Variants in SLC16A4 observed in about 807,000 individuals in gnomAD.
SLC16A4 encodes solute carrier family 16 member 4.
SLC16A4 carries 39 observed loss-of-function variants against 47.9 expected under a neutral mutation model. That is an observed-to-expected ratio of 0.81 (90% CI 0.63 to 1.06). The LOEUF (loss-of-function observed/expected upper bound fraction) is 1.06, where lower values mean the gene tolerates loss of function less well. Ranked by LOEUF, SLC16A4 falls within the 50% of genes least tolerant of loss-of-function variation. SLC16A4 has a pLI of 0.00. For synonymous variants in SLC16A4, 189 were observed against 199.9 expected (o/e 0.95, Z 0.46); for missense variants, 524 against 573.8 (o/e 0.91, Z 0.89).
At chr1:110,389,388 A>G (rs1662908654) in intron 1 of SLC16A4, 33 bp from the exon 2 acceptor site, 1 of 1,222,944 alleles carries the variant, frequency 8.2e-7, no homozygotes, top group Non-Finnish European at 1.2e-6. Flanking sequence ...GATTCAGTGG[A>G]CCAGAAACTA....
intron 2 of SLC16A4, among the ~76,000 whole-genome samples, chr1:110,387,399 C>G (rs1048736486): frequency 1.3e-5 from 2 of 152,208 alleles, no homozygotes; most frequent in African/African-American, 4.8e-5. Flanking sequence ...TTTTCACTTA[C>G]TAGGAGCTCA....
intron 8 of SLC16A4, among the ~76,000 whole-genome samples, chr1:110,368,553 AATT>A (rs1431953313): frequency 2.0e-5 from 3 of 152,204 alleles, no homozygotes; most frequent in African/African-American, 7.2e-5. Context: ...CGCACAGTAA[AATT>A]ATTATTTAAC....
intron 8 of SLC16A4, among the ~76,000 whole-genome samples, chr1:110,369,322 G>T (rs181137716): frequency 6.6e-6 from 1 of 151,924 alleles, no homozygotes; most frequent in Non-Finnish European, 1.5e-5. Flanking sequence ...TAACATGGCC[G>T]GGTGCAGTGG....
At chr1:110,390,713 CCT>C (rs780940505) in intron 1 of SLC16A4, among the ~76,000 whole-genome samples, 150 bp downstream of exon 1, 3 of 152,152 alleles carry the variant, frequency 2.0e-5, no homozygotes, top group Admixed American at 6.5e-5. Context: ...CATTATTTCC[CCT>C]GTCGGGTCGA....
Position 110,364,499 on chromosome 1 carries a change from CTTTTTTTTTTT to C in SLC16A4, c.1337-617_1337-607del, listed in dbSNP as rs34416973. Among the ~76,000 whole-genome samples, 4 of 104,678 alleles carry C rather than the reference CTTTTTTTTTTT, an allele frequency of 3.8e-5. No individual in the cohort carries two copies. In the South Asian group the frequency reaches 1.3e-3, roughly 34 times the overall value. The allele number at this position is 104,678 out of a possible 152,430, so 68.7% of individuals were successfully genotyped here. A position where few individuals can be genotyped will look rare whatever the true frequency, so the allele number is the denominator to read the frequency against. ...CAAGTTCCCCCCTGAAATCTAAATGCTTTTTTTTTTTTTTTTTTTTTGAGACAGAGGCTTGC... is the reference window on the plus strand; with the variant it reads ...CAAGTTCCCCCCTGAAATCTAAATGCTTTTTTTTTTGAGACAGAGGCTTGC... On this transcript the variant is annotated intron_variant, in intron 8 of 8. Coordinates refer to ENST00000369779, the MANE Select transcript of SLC16A4 (RefSeq NM_004696.3).
chr1:110,367,759 A>G (rs927467118), intron 8 of SLC16A4, among the ~76,000 whole-genome samples: 3 of 151,996 alleles, frequency 2.0e-5, no homozygotes, highest in Admixed American at 6.6e-5. Flanking sequence ...AGATCTCTGT[A>G]TTTTTTTGGT....
In SLC16A4 at chr1:110,382,861, T is replaced by G; in HGVS notation, c.193A>C (p.Ile65Leu). 6.2e-7 allele frequency: 1 copy of G among 1,609,702 alleles called. No individual in the cohort carries two copies. Among genetic ancestry groups the G allele is most frequent in the Non-Finnish European group, 8.5e-7 (1 of 1,177,144 alleles). Reference sequence around the variant, plus strand: ...GCACAAAAACGAAGAGATGACATGATGGATCCAATCCAACCAATTTGCTCT... The same window carrying G: ...GCACAAAAACGAAGAGATGACATGAGGGATCCAATCCAACCAATTTGCTCT... Reference protein sequence around the residue: ...TSEQIGWIGSIMSSLRFCAGP... With the variant: ...TSEQIGWIGSLMSSLRFCAGP... Residue 65 changes from isoleucine (I) to leucine (L), a missense_variant, in exon 3 of 9, where the codon ATC becomes CTC. By Grantham distance (5) the Ile-to-Leu change is conservative. Transcript: ENST00000369779.
In SLC16A4 at chr1:110,381,631, A is replaced by C. The variant is rs373769659; in HGVS notation, c.364+21T>G. On this transcript the variant is annotated intron_variant, in intron 4 of 8. Transcript: ENST00000369779. ...CCACCACTCCTGGCCTTCTATGGTCACATAATTACAATGGACTCACCGGGT... is the reference window on the plus strand; with the variant it reads ...CCACCACTCCTGGCCTTCTATGGTCCCATAATTACAATGGACTCACCGGGT... 63 of 1,598,356 alleles carry C rather than the reference A, an allele frequency of 3.9e-5. No individual in the cohort carries two copies. In the African/African-American group the frequency reaches 5.7e-4, roughly 14 times the overall value.
intron 6 of SLC16A4, among the ~76,000 whole-genome samples, chr1:110,377,582 T>G (rs1004733772): frequency 6.6e-6 from 1 of 152,130 alleles, no homozygotes; most frequent in African/African-American, 2.4e-5. Flanking sequence ...TGTAGAAGAT[T>G]GGAGTATAAA....
intron 8 of SLC16A4, among the ~76,000 whole-genome samples, chr1:110,374,144 A>G (rs1309250384): frequency 6.6e-6 from 1 of 152,088 alleles, no homozygotes; most frequent in Admixed American, 6.5e-5. Flanking sequence ...GGTTCAAGCA[A>G]TTCTCCTGCC....
At chr1:110,380,834 G>A (rs1662338707) in intron 5 of SLC16A4, 148 bp downstream of exon 5, 2 of 703,320 alleles carry the variant, frequency 2.8e-6, no homozygotes, top group African/African-American at 3.6e-5. Context: ...AGAGAAGCAT[G>A]TTTACTTTAG....
rs753092276 is a variant in SLC16A4, at chr1:110,382,889, G to A, written c.165C>T (p.Thr55=). 1 of 1,612,700 alleles carries A rather than the reference G, an allele frequency of 6.2e-7. No individual in the cohort carries two copies. The highest frequency in any genetic ancestry group is 1.1e-5 in the South Asian group (1 of 90,954). Residue 55 remains threonine (T), a synonymous_variant, in exon 3 of 9, where the codon ACC becomes ACT. Transcript: ENST00000369779. The stretch of plus-strand genomic sequence containing the variant: ...ATCCAATCCAACCAATTTGCTCTGA[G>A]GTGCCTTCAAACTCTTCTTGAAAGA... ...FVVFQEEFEG[T]SEQIGWIGSI...
intron 4 of SLC16A4, 108 bp downstream of exon 4, chr1:110,381,544 G>A (rs1476653607): frequency 9.9e-6 from 11 of 1,108,374 alleles, no homozygotes; most frequent in African/African-American, 1.6e-5. Flanking sequence ...GGCTGGTCTC[G>A]AACTGGACTC....
intron 2 of SLC16A4, among the ~76,000 whole-genome samples, chr1:110,386,199 C>CT (rs1662724327): frequency 6.6e-6 from 1 of 152,202 alleles, no homozygotes; most frequent in Admixed American, 6.5e-5. Context: ...TCTCTAATAA[C>CT]TGAGTCCGTG....
intron 8 of SLC16A4, chr1:110,372,610 A>G (rs560681794): frequency 1.6e-4 from 25 of 152,358 alleles, no homozygotes; most frequent in African/African-American, 5.8e-4. Flanking sequence ...ACTTAGAGGA[A>G]CAAAGCTTTC....
At chr1:110,386,136 C>T (rs1435788971) in intron 2 of SLC16A4, among the ~76,000 whole-genome samples, 2 of 152,224 alleles carry the variant, frequency 1.3e-5, no homozygotes, top group African/African-American at 4.8e-5. Flanking sequence ...AGCTTTTCAT[C>T]TCTGGTCTGT....
intron 8 of SLC16A4, among the ~76,000 whole-genome samples, chr1:110,374,556 TA>T (rs1661879430): frequency 6.6e-6 from 1 of 152,204 alleles, no homozygotes; most frequent in East Asian, 1.9e-4. Context: ...TGTGAGAAAC[TA>T]AAGTTTAGGT....
intron 2 of SLC16A4, among the ~76,000 whole-genome samples, chr1:110,384,964 G>C (rs1662656235): frequency 6.6e-6 from 1 of 152,124 alleles, no homozygotes; most frequent in Admixed American, 6.5e-5. Flanking sequence ...GGTGAGTTGT[G>C]ATCACACTAC....
At chr1:110,388,702 A>G (rs1216521660) in intron 2 of SLC16A4, among the ~76,000 whole-genome samples, 1 of 152,154 alleles carries the variant, frequency 6.6e-6, no homozygotes, top group Non-Finnish European at 1.5e-5. Context: ...AGATGACTGG[A>G]TTCAGGAACA....
Sources: gnomAD v4.1 joint callset for allele counts (sites outside exome capture counted in the v4.1 genomes callset) on GRCh38, gnomAD v4.1.1 for gene constraint, MANE v1.5 for transcripts, NCBI Gene and HGNC (gene_info 2026-07-23, HGNC 2026-07-21) for gene names.